KCNQ5: variants seen among roughly 807,000 people sequenced by gnomAD.
KCNQ5 encodes the protein potassium voltage-gated channel subfamily Q member 5.
KCNQ5 carries 30 observed loss-of-function variants against 98.2 expected under a neutral mutation model. The ratio of observed to expected loss-of-function variants is 0.31; its 90% CI spans 0.23 to 0.41. The LOEUF is 0.41. Among genes scored for constraint, KCNQ5 ranks in the 10% least tolerant of loss-of-function variants. The pLI is 1.00. For missense variants in KCNQ5, 835 were observed against 1,182.5 expected (o/e 0.71, Z 4.31); for synonymous variants, 458 against 449.4 (o/e 1.02, Z -0.24).
In KCNQ5 at chr6:72,889,341, G is replaced by A. The variant is rs535214176; in HGVS notation, c.399-114567G>A. Reference sequence around the variant, plus strand: ...AGATTAGATAGGACCTTGGAGCCTCGGAAGCCACTGGGAAGCTTTGATCAG... The same window carrying A: ...AGATTAGATAGGACCTTGGAGCCTCAGAAGCCACTGGGAAGCTTTGATCAG... On this transcript the variant is annotated intron_variant, in intron 1 of 13. Transcript: ENST00000370398. Among the ~76,000 whole-genome samples the A allele has an allele frequency of 1.8e-4, 28 of 151,390 alleles. No homozygotes were observed. In the East Asian group the frequency reaches 4.8e-3, roughly 26 times the overall value.
At chr6:72,892,793 G>C (rs747101120) in intron 1 of KCNQ5, among the ~76,000 whole-genome samples, 17 of 151,506 alleles carry the variant, frequency 1.1e-4, no homozygotes, top group Non-Finnish European at 2.2e-4. Context: ...GAAAGTATCA[G>C]TTTTCGGAAG....
At chr6:72,681,028 A>C (rs1416566642) in intron 1 of KCNQ5, among the ~76,000 whole-genome samples, 1 of 152,228 alleles carries the variant, frequency 6.6e-6, no homozygotes, top group Non-Finnish European at 1.5e-5. Context: ...ATACCAAAGC[A>C]CTTGAGTAAA....
At chr6:72,936,222 C>G (rs190066898) in intron 1 of KCNQ5, among the ~76,000 whole-genome samples, 153 of 152,300 alleles carry the variant, frequency 1.0e-3, no homozygotes, top group African/African-American at 3.5e-3. Context: ...ATCATCTCAT[C>G]TGAAATAACC....
intron 1 of KCNQ5, among the ~76,000 whole-genome samples, chr6:72,972,610 T>C (rs1241517452): frequency 6.6e-6 from 1 of 152,058 alleles, no homozygotes; most frequent in Non-Finnish European, 1.5e-5. Flanking sequence ...TTTCTGTTCC[T>C]GTGTTAGTTT....
intron 1 of KCNQ5, among the ~76,000 whole-genome samples, chr6:72,764,991 A>T (rs1160559221): frequency 6.6e-6 from 1 of 152,030 alleles, no homozygotes; most frequent in Non-Finnish European, 1.5e-5. Context: ...TATTGTGTAT[A>T]TGTACCGCAT....
chr6:73,124,196 T>C (rs1264287373), intron 8 of KCNQ5, among the ~76,000 whole-genome samples: 2 of 152,252 alleles, frequency 1.3e-5, no homozygotes, highest in African/African-American at 4.8e-5. Context: ...GAACCACTTT[T>C]TCTTAGCCAT....
intron 1 of KCNQ5, among the ~76,000 whole-genome samples, chr6:72,789,352 G>T (rs1235694552): frequency 6.6e-6 from 1 of 152,168 alleles, no homozygotes; most frequent in African/African-American, 2.4e-5. Flanking sequence ...CATATGAGAT[G>T]AAATGAAGTA....
chr6:73,047,021 A>G (rs182797563), intron 3 of KCNQ5, among the ~76,000 whole-genome samples: 27 of 152,340 alleles, frequency 1.8e-4, no homozygotes, highest in African/African-American at 6.5e-4. Flanking sequence ...GACAAACTTA[A>G]AAAGATGATA....
intron 1 of KCNQ5, among the ~76,000 whole-genome samples, chr6:73,002,428 A>G (rs1769622230): frequency 1.3e-5 from 2 of 152,220 alleles, no homozygotes. Context: ...TCATATCTGT[A>G]AAATGGGGAT....
rs371715934 is a variant in KCNQ5, at chr6:72,987,925, G to T, written c.399-15983G>T. 4.6e-5 allele frequency among the ~76,000 whole-genome samples: 7 copies of T among 152,282 alleles called. No individual in the cohort carries two copies. The East Asian group carries it at 1.2e-3, about 25-fold the overall frequency. On this transcript the variant is annotated intron_variant, in intron 1 of 13. Coordinates refer to ENST00000370398, the MANE Select transcript of KCNQ5 (RefSeq NM_019842.4). ...CAATAATGGAACACTAGGCATAAGTGGGTTATTCAGTTGTGCTGATGAAAG... is the reference window on the plus strand; with the variant it reads ...CAATAATGGAACACTAGGCATAAGTTGGTTATTCAGTTGTGCTGATGAAAG...
At chr6:72,793,265 G>C (rs1561987273) in intron 1 of KCNQ5, among the ~76,000 whole-genome samples, 1 of 152,196 alleles carries the variant, frequency 6.6e-6, no homozygotes, top group African/African-American at 2.4e-5. Flanking sequence ...TATACATGAA[G>C]AGAATATTGT....
intron 10 of KCNQ5, among the ~76,000 whole-genome samples, chr6:73,168,966 C>T (rs998652876): frequency 6.6e-6 from 1 of 152,116 alleles, no homozygotes; most frequent in Non-Finnish European, 1.5e-5. Flanking sequence ...ATTATATAAA[C>T]CTACCAATAT....
At chr6:73,055,313 C>CAGAT in intron 3 of KCNQ5, 5 of 1,410,042 alleles carry the variant, frequency 3.5e-6, no homozygotes, top group Non-Finnish European at 5.0e-6. Context: ...TGCCATTGAT[C>CAGAT]AGATGTAGCT....
chr6:72,672,343 G>T (rs180732201), intron 1 of KCNQ5, among the ~76,000 whole-genome samples: 2 of 151,658 alleles, frequency 1.3e-5, no homozygotes, highest in East Asian at 3.9e-4. Flanking sequence ...AGTGATCCAC[G>T]CATCTCTGCC....
intron 1 of KCNQ5, among the ~76,000 whole-genome samples, chr6:72,737,367 A>G (rs1395517678): frequency 6.6e-6 from 1 of 152,226 alleles, no homozygotes; most frequent in African/African-American, 2.4e-5. Flanking sequence ...AATTGTTATG[A>G]TATGTCTAAT....
intron 2 of KCNQ5, among the ~76,000 whole-genome samples, chr6:73,010,125 T>C (rs1382298261): frequency 2.6e-5 from 4 of 152,126 alleles, no homozygotes; most frequent in African/African-American, 9.7e-5. Context: ...TGCTCGTATA[T>C]TTACCAGAAT....
At chr6:72,942,848 G>T (rs1245215753) in intron 1 of KCNQ5, among the ~76,000 whole-genome samples, 1 of 152,134 alleles carries the variant, frequency 6.6e-6, no homozygotes, top group Non-Finnish European at 1.5e-5. Context: ...CTGATTTCAG[G>T]AAGAAAAATG....
At position 73,197,620 on chromosome 6, in the gene KCNQ5, CACACACACACACA is replaced by C. The variant is rs1765839266; in HGVS notation, c.*2207_*2219del. ...ACACACACACACACACACACACACA[CACACACACACACA>C]CACACACACCCCTCCACTGACCTAA... On this transcript the variant is annotated 3_prime_UTR_variant, in exon 14 of 14. Transcript: ENST00000370398. 1 of 146,584 alleles carries C rather than the reference CACACACACACACA, an allele frequency of 6.8e-6. No individual in the cohort carries two copies. Among genetic ancestry groups the C allele is most frequent in the Non-Finnish European group, 1.5e-5 (1 of 65,568 alleles). 9.1% of individuals were successfully genotyped at this position (146,584 alleles called of 1,614,324 possible).
At chr6:73,049,437 C>T (rs921891163) in intron 3 of KCNQ5, among the ~76,000 whole-genome samples, 4 of 152,140 alleles carry the variant, frequency 2.6e-5, no homozygotes, top group African/African-American at 7.2e-5. Context: ...ATGGAAAAGT[C>T]GAGGCACTGT....
Sources: gnomAD v4.1 joint callset for allele counts (sites outside exome capture counted in the v4.1 genomes callset) on GRCh38, gnomAD v4.1.1 for gene constraint, MANE v1.5 for transcripts, NCBI Gene and HGNC (gene_info 2026-07-23, HGNC 2026-07-21) for gene names.